KCNMA1: variants seen among roughly 807,000 people sequenced by gnomAD.
KCNMA1 encodes the protein potassium calcium-activated channel subfamily M alpha 1.
In KCNMA1, 29 loss-of-function variants were observed where a neutral mutation model predicts 140.0. The ratio of observed to expected loss-of-function variants is 0.21; its 90% CI spans 0.15 to 0.28. The LOEUF (loss-of-function observed/expected upper bound fraction) is 0.28, where lower values mean the gene tolerates loss of function less well. Among genes scored for constraint, KCNMA1 ranks in the 10% least tolerant of loss-of-function variants. The pLI, the probability that KCNMA1 is intolerant of heterozygous loss-of-function variation, is 1.00. For synonymous variants in KCNMA1, 612 were observed against 611.9 expected, an observed-to-expected ratio of 1.00 and a Z score of 0.00; for missense variants, 880 against 1,602.2, an observed-to-expected ratio of 0.55 and a Z score of 7.70.
At chr10:77,493,363 C>G (rs1030969279) in intron 1 of KCNMA1, among the ~76,000 whole-genome samples, 1 of 152,248 alleles carries the variant, frequency 6.6e-6, no homozygotes, top group Non-Finnish European at 1.5e-5. Flanking sequence ...TGGCAGCAAG[C>G]TGCCCCCAGG....
intron 1 of KCNMA1, among the ~76,000 whole-genome samples, chr10:77,575,734 G>A (rs1191099159): frequency 6.6e-6 from 1 of 152,240 alleles, no homozygotes; most frequent in Non-Finnish European, 1.5e-5. Context: ...GAGGCTATTC[G>A]GATTTGTTCC....
At chr10:77,475,611 A>G (rs1456384524) in intron 1 of KCNMA1, among the ~76,000 whole-genome samples, 1 of 152,008 alleles carries the variant, frequency 6.6e-6, no homozygotes. Flanking sequence ...AAGGCAGTGT[A>G]AAAAAAAGCA....
Position 76,946,705 on chromosome 10 carries a change from C to T in KCNMA1, c.2710-1740G>A, listed in dbSNP as rs80173185. Among the ~76,000 whole-genome samples the T allele has an allele frequency of 1.9e-3, 287 of 152,310 alleles. 1 individual carries two copies. The highest frequency in any genetic ancestry group is 6.8e-3 in the African/African-American group (284 of 41,572). ...AACTTCCTGAATCATTTTGCCAGTG[C>T]ATAAGCTTCAATTGCCTGCATCCAT... On this transcript the variant is annotated intron_variant, in intron 22 of 27. Transcript: ENST00000286628.
At chr10:76,900,980 C>T (rs913999362) in intron 25 of KCNMA1, among the ~76,000 whole-genome samples, 7 of 150,534 alleles carry the variant, frequency 4.7e-5, no homozygotes, top group African/African-American at 1.7e-4. Flanking sequence ...ATTTTTATTA[C>T]AGGATTAATC....
At chr10:77,384,222 T>A (rs1421307722) in intron 2 of KCNMA1, among the ~76,000 whole-genome samples, 4 of 152,206 alleles carry the variant, frequency 2.6e-5, no homozygotes, top group African/African-American at 9.6e-5. Context: ...CATCTCCCAG[T>A]TGAGAACATG....
At chr10:77,462,025 ACAC>A (rs1307212520) in intron 1 of KCNMA1, among the ~76,000 whole-genome samples, 1 of 152,148 alleles carries the variant, frequency 6.6e-6, no homozygotes, top group South Asian at 2.1e-4. Context: ...GCACACACAC[ACAC>A]AAGCAGACAC....
At chr10:77,290,415 C>T (rs1177560923) in intron 2 of KCNMA1, among the ~76,000 whole-genome samples, 1 of 152,228 alleles carries the variant, frequency 6.6e-6, no homozygotes, top group African/African-American at 2.4e-5. Context: ...TCAGACTTTA[C>T]AACCTTGTTA....
chr10:77,075,885 G>A (rs1322564403), intron 13 of KCNMA1, among the ~76,000 whole-genome samples: 2 of 152,174 alleles, frequency 1.3e-5, no homozygotes, highest in South Asian at 2.1e-4. Flanking sequence ...AAAAATGCCA[G>A]TGTTAGTGCC....
chr10:77,136,760 T>A (rs147656398), intron 5 of KCNMA1, among the ~76,000 whole-genome samples: 3,536 of 152,302 alleles, frequency 0.023, 142 homozygotes, highest in African/African-American at 0.081. Context: ...TTGAGTTTTT[T>A]AATTTTTTTG....
At chr10:77,036,285 TC>T (rs2094324851) in intron 15 of KCNMA1, among the ~76,000 whole-genome samples, 1 of 152,208 alleles carries the variant, frequency 6.6e-6, no homozygotes, top group Non-Finnish European at 1.5e-5. Flanking sequence ...GAGATAGCTT[TC>T]GGGGTGGCAG....
At chr10:77,557,198 T>A (rs927134683) in intron 1 of KCNMA1, among the ~76,000 whole-genome samples, 1 of 152,216 alleles carries the variant, frequency 6.6e-6, no homozygotes, top group Non-Finnish European at 1.5e-5. Context: ...TTGAAAGCTG[T>A]CAATCACTGT....
At chr10:77,522,178 AAAATAAAT>A (rs57838652) in intron 1 of KCNMA1, among the ~76,000 whole-genome samples, 21 of 142,892 alleles carry the variant, frequency 1.5e-4, no homozygotes, top group Non-Finnish European at 2.5e-4. Flanking sequence ...ACTCCATCTC[AAAATAAAT>A]AAATAAATAA....
intron 1 of KCNMA1, among the ~76,000 whole-genome samples, chr10:77,516,151 TGTTTAA>T (rs1022629420): frequency 1.3e-5 from 2 of 152,054 alleles, no homozygotes; most frequent in African/African-American, 4.8e-5. Context: ...GTCTGACAGA[TGTTTAA>T]GAAATCCCCA....
intron 12 of KCNMA1, among the ~76,000 whole-genome samples, chr10:77,084,245 A>G (rs2096645712): frequency 6.6e-6 from 1 of 152,260 alleles, no homozygotes; most frequent in African/African-American, 2.4e-5. Context: ...ACATCTCCAG[A>G]CATTGCAAAA....
At chr10:77,218,142 T>A (rs1456842977) in intron 3 of KCNMA1, among the ~76,000 whole-genome samples, 4 of 152,082 alleles carry the variant, frequency 2.6e-5, no homozygotes, top group African/African-American at 9.7e-5. Context: ...AACCCTTCTC[T>A]CTTGACAGTT....
intron 15 of KCNMA1, among the ~76,000 whole-genome samples, chr10:77,038,139 A>C (rs2094451257): frequency 6.6e-6 from 1 of 152,194 alleles, no homozygotes; most frequent in African/African-American, 2.4e-5. Context: ...GGACTGACAG[A>C]GTGCACCTGC....
intron 5 of KCNMA1, among the ~76,000 whole-genome samples, chr10:77,144,482 T>TTC (rs1307145913): frequency 6.6e-6 from 1 of 152,184 alleles, no homozygotes; most frequent in Non-Finnish European, 1.5e-5. Context: ...AGTAAAAATG[T>TTC]TCTCTATGTT....
At chr10:77,520,183 ATGCAGTGTGAGGGTG>A (rs2052683424) in intron 1 of KCNMA1, among the ~76,000 whole-genome samples, 3 of 49,264 alleles carry the variant, frequency 6.1e-5, no homozygotes, top group African/African-American at 8.0e-5. Context: ...GGGCTGGGGT[ATGCAGTGTGAGGGTG>A]TGCAGTGTGA....
At chr10:77,314,741 A>G (rs776475442) in intron 2 of KCNMA1, among the ~76,000 whole-genome samples, 4 of 152,086 alleles carry the variant, frequency 2.6e-5, no homozygotes, top group African/African-American at 4.8e-5. Flanking sequence ...CTCTCTTCCT[A>G]AAAGCTCTCA....
Sources: gnomAD v4.1 joint callset for allele counts (sites outside exome capture counted in the v4.1 genomes callset) on GRCh38, gnomAD v4.1.1 for gene constraint, MANE v1.5 for transcripts, NCBI Gene and HGNC (gene_info 2026-07-23, HGNC 2026-07-21) for gene names.